Variants in TRMT13 observed in about 807,000 individuals in gnomAD.
The protein encoded by TRMT13 is tRNA methyltransferase 13, also known as tRNA:m(4)X modification enzyme TRM13 homolog.
Under a neutral mutation model 55.9 loss-of-function variants are expected in TRMT13, and 45 were observed. The observed-to-expected ratio is 0.80, with a 90% CI of 0.63 to 1.03. The LOEUF is 1.03. TRMT13 is among the 50% of genes least tolerant of loss of function. TRMT13 has a pLI of 0.00. For synonymous variants in TRMT13, 183 were observed against 196.3 expected (o/e 0.93, Z 0.57); for missense variants, 513 against 563.9 (o/e 0.91, Z 0.91).
At chr1:100,140,109 C>G (rs1157994213) in intron 4 of TRMT13, 73 bp from the exon 5 acceptor site, 16 of 973,692 alleles carry the variant, frequency 1.6e-5, no homozygotes, top group Admixed American at 1.1e-4. Flanking sequence ...GTTGGTAAAC[C>G]TCTACTCAGT....
chr1:100,140,767 C>T, intron 6 of TRMT13, 85 bp from the exon 7 acceptor site: 6 of 1,301,216 alleles, frequency 4.6e-6, no homozygotes, highest in Non-Finnish European at 6.5e-6. Flanking sequence ...AGCATACTGC[C>T]TTATGCAGAA....
In TRMT13 at chr1:100,133,268, G is replaced by C; in HGVS notation, c.100G>C (p.Val34Leu). The C allele has an allele frequency of 6.2e-7, 1 of 1,614,064 alleles. No individual in the cohort carries two copies. Among genetic ancestry groups the C allele is most frequent in the Non-Finnish European group, 8.5e-7 (1 of 1,179,952 alleles). Reference sequence around the variant, plus strand: ...GAAGAAACGGTTCTGCAGGATGGTGGTGGCCGCAGGGAAAAGATTTTGTGG... The same window carrying C: ...GAAGAAACGGTTCTGCAGGATGGTGCTGGCCGCAGGGAAAAGATTTTGTGG... ...EKKKRFCRMV[V>L]AAGKRFCGEH... The change falls in exon 1 of 11, where the codon GTG becomes CTG. Residue 34 changes from valine (V) to leucine (L), a missense_variant. This residue lies in a region of TRMT13 where 298 missense variants were observed against 290.3 expected (regional missense o/e 1.03). Coordinates refer to ENST00000370141, the MANE Select transcript of TRMT13 (RefSeq NM_019083.3).
At chr1:100,135,184 A>G (rs189795113) in intron 1 of TRMT13, among the ~76,000 whole-genome samples, 1 of 152,222 alleles carries the variant, frequency 6.6e-6, no homozygotes, top group Non-Finnish European at 1.5e-5. Context: ...CCTGCCCAAA[A>G]CGTCAATAGT....
rs1557910130 is a variant in TRMT13, at chr1:100,141,011, A to G, written c.661A>G (p.Arg221Gly). 4.3e-6 allele frequency: 7 copies of G among 1,611,824 alleles called. No homozygotes were observed. The highest frequency in any genetic ancestry group is 5.9e-6 in the Non-Finnish European group (7 of 1,178,800). The change falls in exon 7 of 11, where the codon AGA becomes GGA. Residue 221 changes from arginine to glycine, a missense_variant. Arg to Gly is a moderately radical substitution (Grantham distance 125). Coordinates refer to ENST00000370141, the MANE Select transcript of TRMT13 (RefSeq NM_019083.3). The stretch of plus-strand genomic sequence containing the variant: ...CATCCTAGTGGAAAAGGTGACCACA[A>G]GATTCAAGGTAAGTGAAACCATTGC... Reference protein sequence around the residue: ...HFILVEKVTTRFKVDGKHRKK... With the variant: ...HFILVEKVTTGFKVDGKHRKK...
At chr1:100,138,430 G>A (rs189864620) in intron 3 of TRMT13, among the ~76,000 whole-genome samples, 208 of 151,974 alleles carry the variant, frequency 1.4e-3, no homozygotes, top group East Asian at 2.5e-3. Flanking sequence ...GTTTTTTTCC[G>A]TTATCCAGTA....
intron 7 of TRMT13, among the ~76,000 whole-genome samples, chr1:100,141,356 A>G (rs745516421): frequency 3.9e-5 from 6 of 152,102 alleles, no homozygotes; most frequent in Non-Finnish European, 8.8e-5. Flanking sequence ...TTTTGAGCAT[A>G]CTGCCAGGCC....
At chr1:100,135,384 C>CA (rs145983700) in intron 1 of TRMT13, among the ~76,000 whole-genome samples, 5,259 of 149,056 alleles carry the variant, frequency 0.035, 303 homozygotes, top group African/African-American at 0.12. Context: ...ATAGTATTTT[C>CA]AAAAAAAAAA....
chr1:100,141,849 A>C (rs989279420), intron 7 of TRMT13, among the ~76,000 whole-genome samples: 5 of 152,222 alleles, frequency 3.3e-5, no homozygotes, highest in African/African-American at 1.2e-4. Context: ...AGAGAGTTTG[A>C]GAAGCATTCT....
In TRMT13 at chr1:100,136,948, G is replaced by GT; in HGVS notation, c.194+20_194+21insT. The GT allele has an allele frequency of 6.2e-7, 1 of 1,600,374 alleles. No individual in the cohort carries two copies. The highest frequency in any genetic ancestry group is 8.5e-7 in the Non-Finnish European group (1 of 1,175,992). ...AAAACAGTAAGTGTGGATCAGATAC[G>GT]GGTTTTTTTTTGTGCTGGAAACAGT... On this transcript the variant is annotated intron_variant, in intron 2 of 10. Coordinates refer to ENST00000370141, the MANE Select transcript of TRMT13 (RefSeq NM_019083.3).
rs1207320645 is a variant in TRMT13 at position 100,133,179 on chromosome 1, C to A, written c.11C>A (p.Ser4Tyr). 1.2e-6 allele frequency: 2 copies of A among 1,614,164 alleles called. No homozygotes were observed. Among genetic ancestry groups the A allele is most frequent in the Non-Finnish European group, 1.7e-6 (2 of 1,180,032 alleles). MATSATSPHAPGFP... is the reference protein window; with the variant it reads MATYATSPHAPGFP... ...GCGAGCCCTAGAATTATGGCGACCT[C>A]CGCGACGTCGCCGCACGCGCCTGGT... The change falls in exon 1 of 11, where the codon TCC becomes TAC. Residue 4 changes from serine (S) to tyrosine (Y), a missense_variant. This residue lies in a region of TRMT13 where 298 missense variants were observed against 290.3 expected (regional missense o/e 1.03). Coordinates refer to ENST00000370141, the MANE Select transcript of TRMT13 (RefSeq NM_019083.3).
chr1:100,148,191 C>G lies in TRMT13; in HGVS notation c.1115C>G (p.Thr372Ser). ...TTCCAGCGAATGAGTAGTTGGGCAA[C>G]TTGTGGGATGCGGAAAACATCTTTG... ...HYFQRMSSWA[T>S]CGMRKTSLET... Residue 372 changes from threonine (T) to serine (S), a missense_variant, in exon 10 of 11, where the codon ACT becomes AGT. Around this residue, in one of 3 missense-constraint regions of TRMT13, gnomAD observed 209 missense variants for 255.8 expected, o/e 0.82. Coordinates refer to ENST00000370141, the MANE Select transcript of TRMT13 (RefSeq NM_019083.3). The G allele has an allele frequency of 6.2e-7, 1 of 1,614,122 alleles. No homozygotes were observed. The highest frequency in any genetic ancestry group is 8.5e-7 in the Non-Finnish European group (1 of 1,180,032).
intron 1 of TRMT13, 104 bp from the exon 2 acceptor site, chr1:100,136,778 C>T (rs1289072721): frequency 9.0e-7 from 1 of 1,115,026 alleles, no homozygotes; most frequent in African/African-American, 1.6e-5. Context: ...TGTAAGGTTT[C>T]CTTACCTTGT....
intron 7 of TRMT13, 112 bp downstream of exon 7, chr1:100,141,131 C>G (rs1656572574): frequency 1.9e-6 from 2 of 1,026,626 alleles, no homozygotes. Flanking sequence ...TTTTCTTTAT[C>G]TGTTTGTTGT....
chr1:100,144,187 T>G (rs41287244), intron 9 of TRMT13, 44 bp downstream of exon 9: 35,231 of 1,534,696 alleles, frequency 0.023, 580 homozygotes, highest in Middle Eastern at 0.032. Flanking sequence ...GCATTAAGTT[T>G]TGGCCTAACC....
In TRMT13 at chr1:100,149,113, C is replaced by T; in HGVS notation, c.*293C>T. Reference sequence around the variant, plus strand: ...ACTTGGTGATCTGAAACATACATAACATGTCAACACATAATTAGCGTATTT... The same window carrying T: ...ACTTGGTGATCTGAAACATACATAATATGTCAACACATAATTAGCGTATTT... On this transcript the variant is annotated 3_prime_UTR_variant, in exon 11 of 11. Coordinates refer to ENST00000370141, the MANE Select transcript of TRMT13 (RefSeq NM_019083.3). The T allele has an allele frequency of 1.3e-6, 2 of 1,590,148 alleles. No homozygotes were observed. The highest frequency in any genetic ancestry group is 1.4e-5 in the African/African-American group (1 of 73,886).
chr1:100,142,999 C>T (rs1656805308), intron 7 of TRMT13, 138 bp from the exon 8 acceptor site: 1 of 584,398 alleles, frequency 1.7e-6, no homozygotes, highest in African/African-American at 1.9e-5. Context: ...TTGAAGTTCT[C>T]ATCAAAGAAT....
chr1:100,138,992 G>A (rs986218033), intron 3 of TRMT13, among the ~76,000 whole-genome samples: 2 of 152,146 alleles, frequency 1.3e-5, no homozygotes, highest in African/African-American at 4.8e-5. Context: ...TAGAGACAGG[G>A]TCTCCCTATA....
intron 4 of TRMT13, 134 bp downstream of exon 4, chr1:100,139,845 T>C (rs1172476361): frequency 3.2e-6 from 2 of 634,150 alleles, no homozygotes; most frequent in Non-Finnish European, 5.5e-6. Flanking sequence ...GACTTAATAT[T>C]GTTAGTGATG....
chr1:100,145,071 C>T (rs1298562376), intron 9 of TRMT13, among the ~76,000 whole-genome samples: 1 of 152,090 alleles, frequency 6.6e-6, no homozygotes, highest in Non-Finnish European at 1.5e-5. Context: ...TATTTAGATA[C>T]ACAAATACCA....
Sources: gnomAD v4.1 joint callset for allele counts (sites outside exome capture counted in the v4.1 genomes callset) on GRCh38, gnomAD v4.1.1 for gene constraint, gnomAD v4.1.1 regional missense constraint, MANE v1.5 for transcripts, NCBI Gene and HGNC (gene_info 2026-07-23, HGNC 2026-07-21) for gene names.